Variants in FMNL2 observed in about 807,000 individuals in gnomAD.
FMNL2 encodes formin like 2.
A neutral mutation model predicts 130.2 loss-of-function variants in FMNL2; 51 were observed. The observed-to-expected ratio is 0.39, with a 90% CI of 0.31 to 0.49. The LOEUF (loss-of-function observed/expected upper bound fraction) is 0.49. FMNL2 is among the 20% of genes least tolerant of loss of function. FMNL2 has a pLI of 0.85. For missense variants in FMNL2, 977 were observed against 1,316.2 expected (o/e 0.74, Z 3.99); for synonymous variants, 465 against 467.1 (o/e 1.00, Z 0.06).
chr2:152,445,877 G>A (rs758750251), intron 1 of FMNL2, among the ~76,000 whole-genome samples: 70 of 152,074 alleles, frequency 4.6e-4, no homozygotes, highest in Admixed American at 1.9e-3. Flanking sequence ...AAGCAGCCTA[G>A]TACCTCCCCT....
chr2:152,373,813 ACT>A (rs1031723600), intron 1 of FMNL2, among the ~76,000 whole-genome samples: 18 of 151,698 alleles, frequency 1.2e-4, no homozygotes, highest in African/African-American at 4.1e-4. Flanking sequence ...TTTTTTTTAA[ACT>A]CTCAGAAATC....
chr2:152,468,091 C>A (rs1233177913), intron 1 of FMNL2, among the ~76,000 whole-genome samples: 1 of 152,214 alleles, frequency 6.6e-6, no homozygotes, highest in Non-Finnish European at 1.5e-5. Flanking sequence ...ATTGGTTTAG[C>A]CCCTGAATGA....
intron 1 of FMNL2, among the ~76,000 whole-genome samples, chr2:152,389,031 T>G (rs1290564950): frequency 6.8e-6 from 1 of 147,158 alleles, no homozygotes; most frequent in East Asian, 2.1e-4. Flanking sequence ...ATGTCAAGGC[T>G]TCTTTTTGGT....
intron 1 of FMNL2, among the ~76,000 whole-genome samples, chr2:152,349,189 G>A (rs1278386859): frequency 6.6e-6 from 1 of 152,224 alleles, no homozygotes; most frequent in Non-Finnish European, 1.5e-5. Context: ...TGGATGGCTT[G>A]AAGTTATATA....
At chr2:152,490,040 A>T (rs898910623) in intron 1 of FMNL2, among the ~76,000 whole-genome samples, 3 of 152,220 alleles carry the variant, frequency 2.0e-5, no homozygotes, top group African/African-American at 4.8e-5. Context: ...TAGCAAAGAA[A>T]ATTTGTAGCT....
chr2:152,458,787 C>T (rs1579714213), intron 1 of FMNL2, among the ~76,000 whole-genome samples: 1 of 152,162 alleles, frequency 6.6e-6, no homozygotes, highest in Admixed American at 6.5e-5. Context: ...GATAATTGAC[C>T]TTTCACCCAG....
chr2:152,645,212 A>G (rs950435592), intron 25 of FMNL2, among the ~76,000 whole-genome samples: 2 of 152,178 alleles, frequency 1.3e-5, no homozygotes, highest in African/African-American at 2.4e-5. Context: ...TTCTGGAGCC[A>G]ATCTTCAAAG....
intron 25 of FMNL2, among the ~76,000 whole-genome samples, chr2:152,641,293 C>G (rs1683063398): frequency 6.6e-6 from 1 of 152,170 alleles, no homozygotes. Context: ...TCTTTAAGAG[C>G]CTCTTTACTC....
At chr2:152,512,532 T>C (rs1371017065) in intron 1 of FMNL2, among the ~76,000 whole-genome samples, 1 of 152,198 alleles carries the variant, frequency 6.6e-6, no homozygotes, top group Non-Finnish European at 1.5e-5. Flanking sequence ...TTGGTCTGTA[T>C]TGATGATAAT....
At chr2:152,546,881 TC>T (rs886492642) in intron 3 of FMNL2, among the ~76,000 whole-genome samples, 10 of 151,572 alleles carry the variant, frequency 6.6e-5, no homozygotes, top group African/African-American at 2.4e-4. Context: ...AATTTTTAGC[TC>T]CAAGGAAGAG....
intron 15 of FMNL2, among the ~76,000 whole-genome samples, chr2:152,624,190 T>C (rs1399597059): frequency 6.7e-6 from 1 of 149,086 alleles, no homozygotes; most frequent in East Asian, 2.0e-4. Flanking sequence ...GGAGTTTCGC[T>C]CTTGTTACCC....
chr2:152,567,688 C>T (rs1695932074), intron 6 of FMNL2, among the ~76,000 whole-genome samples: 1 of 152,208 alleles, frequency 6.6e-6, no homozygotes, highest in Non-Finnish European at 1.5e-5. Context: ...GACCTTGGAA[C>T]CATAAAAGAC....
intron 1 of FMNL2, among the ~76,000 whole-genome samples, chr2:152,498,514 A>G (rs1317556047): frequency 2.6e-5 from 4 of 152,074 alleles, no homozygotes; most frequent in African/African-American, 4.8e-5. Context: ...TTGAACCCTT[A>G]CCTATTTCCT....
At position 152,335,662 on chromosome 2, in the gene FMNL2, CT is replaced by C; in HGVS notation, c.62del (p.Leu21Ter). On this transcript the variant is annotated frameshift_variant, in exon 1 of 26. Coordinates refer to ENST00000288670, the MANE Select transcript of FMNL2 (RefSeq NM_052905.4). LOFTEE classifies it high-confidence loss of function. ...ACCGATTTCAGGGCGCACAACGTGCCTTTGAAGCTGCCGATGCCAGAGCCAG... is the reference window on the plus strand; with the variant it reads ...ACCGATTTCAGGGCGCACAACGTGCCTTGAAGCTGCCGATGCCAGAGCCAG... ...QQTDFRAHNVPLKLPMPEPGE... is the reference protein window; with the variant it reads ...QQTDFRAHNVXLKLPMPEPGE... 1 of 1,594,294 alleles carries C rather than the reference CT, an allele frequency of 6.3e-7. No homozygotes were observed. Among genetic ancestry groups the C allele is most frequent in the South Asian group, 1.1e-5 (1 of 89,912 alleles).
chr2:152,528,187 T>C (rs941549141), intron 2 of FMNL2, among the ~76,000 whole-genome samples: 10 of 152,242 alleles, frequency 6.6e-5, no homozygotes, highest in Non-Finnish European at 1.2e-4. Flanking sequence ...GTATCATTAC[T>C]ACCTAAAACA....
At chr2:152,523,375 T>C (rs1693211788) in intron 2 of FMNL2, among the ~76,000 whole-genome samples, 1 of 152,202 alleles carries the variant, frequency 6.6e-6, no homozygotes, top group Non-Finnish European at 1.5e-5. Context: ...TTATACCAAC[T>C]ACACAGTACT....
At chr2:152,404,230 T>A (rs1685862583) in intron 1 of FMNL2, among the ~76,000 whole-genome samples, 1 of 152,178 alleles carries the variant, frequency 6.6e-6, no homozygotes, top group African/African-American at 2.4e-5. Context: ...CTTCAATGAA[T>A]GTAACTGTTA....
At chr2:152,369,212 G>A (rs993925554) in intron 1 of FMNL2, among the ~76,000 whole-genome samples, 2 of 152,178 alleles carry the variant, frequency 1.3e-5, no homozygotes, top group Non-Finnish European at 2.9e-5. Flanking sequence ...TTCAGCATTC[G>A]CTGTATCATC....
chr2:152,602,259 C>T (rs1698118899), intron 9 of FMNL2, among the ~76,000 whole-genome samples: 1 of 152,184 alleles, frequency 6.6e-6, no homozygotes, highest in South Asian at 2.1e-4. Context: ...GGAGCCTGAT[C>T]ATTTTTACAT....
Sources: allele counts gnomAD v4.1 joint callset (sites outside exome capture counted in the v4.1 genomes callset), GRCh38; gene constraint gnomAD v4.1.1; transcripts MANE v1.5; gene names NCBI Gene and HGNC (gene_info 2026-07-23, HGNC 2026-07-21).